LUZP2: variants seen among roughly 807,000 people sequenced by gnomAD.
LUZP2 encodes the protein leucine zipper protein 2.
A neutral mutation model predicts 51.6 loss-of-function variants in LUZP2; 52 were observed. The observed-to-expected ratio is 1.01, with a 90% CI of 0.81 to 1.27. The LOEUF (loss-of-function observed/expected upper bound fraction) is 1.27. Among genes scored for constraint, LUZP2 ranks in the 50% most tolerant of loss-of-function variants. The pLI is 0.00. For missense variants in LUZP2, 436 were observed against 395.4 expected (o/e 1.10, Z -0.87); for synonymous variants, 154 against 137.3 (o/e 1.12, Z -0.85).
intron 1 of LUZP2, among the ~76,000 whole-genome samples, chr11:24,562,533 TAAG>T (rs1852078949): frequency 1.3e-5 from 2 of 150,994 alleles, no homozygotes; most frequent in South Asian, 4.2e-4. Flanking sequence ...TCTATCAGGG[TAAG>T]GACCCATTAA....
intron 4 of LUZP2, among the ~76,000 whole-genome samples, chr11:24,761,417 C>A (rs1859975021): frequency 6.6e-6 from 1 of 152,190 alleles, no homozygotes; most frequent in Admixed American, 6.5e-5. Context: ...CAGGTCCTAG[C>A]TCCAGTGTTA....
rs576098736 is a variant in LUZP2, at chr11:25,080,331, G to A, written c.*1673G>A. The A allele has an allele frequency of 6.6e-6, 1 of 152,218 alleles. No individual in the cohort carries two copies. Among genetic ancestry groups the A allele is most frequent in the Admixed American group, 6.5e-5 (1 of 15,292 alleles). The allele number at this position is 152,218 out of a possible 1,614,324, so 9.4% of individuals were successfully genotyped here. ...ATATGTTCTGAGCACGTTTAAGCAGGTTTAAGTTAGGGTGGGCTATGATTT... is the reference window on the plus strand; with the variant it reads ...ATATGTTCTGAGCACGTTTAAGCAGATTTAAGTTAGGGTGGGCTATGATTT... On this transcript the variant is annotated 3_prime_UTR_variant, in exon 12 of 12. Transcript: ENST00000336930.
chr11:24,786,502 G>A (rs1261829585), intron 5 of LUZP2: 7 of 963,038 alleles, frequency 7.3e-6, no homozygotes, highest in Non-Finnish European at 8.6e-6. Context: ...CTAATGTGAA[G>A]AATAAAATAT....
At chr11:24,918,608 C>CT (rs1184353806) in intron 7 of LUZP2, among the ~76,000 whole-genome samples, 2 of 151,040 alleles carry the variant, frequency 1.3e-5, no homozygotes, top group Non-Finnish European at 2.9e-5. Context: ...CAAAATCATG[C>CT]TTTTTTTAGA....
chr11:24,922,825 C>CTTTTTTTTTTTTTTTTT lies in LUZP2; in HGVS notation c.522+8298_522+8299insTTTTTTTTTTTTTTTTT, dbSNP rs1277388215. The stretch of plus-strand genomic sequence containing the variant: ...GGACTACCAAGTGGCACAGTTATAT[C>CTTTTTTTTTTTTTTTTT]TTTTTTTTTTTCTTTTTTTTTTTTT... On this transcript the variant is annotated intron_variant, in intron 7 of 11. Transcript: ENST00000336930. 1.8e-4 allele frequency among the ~76,000 whole-genome samples: 8 copies of CTTTTTTTTTTTTTTTTT among 44,622 alleles called. 2 individuals are homozygous for CTTTTTTTTTTTTTTTTT. The highest frequency in any genetic ancestry group is 2.6e-4 in the Non-Finnish European group (4 of 15,582). 29.3% of individuals were successfully genotyped at this position (44,622 alleles called of 152,430 possible). A position where few individuals can be genotyped will look rare whatever the true frequency, so the allele number is the denominator to read the frequency against.
intron 5 of LUZP2, among the ~76,000 whole-genome samples, chr11:24,837,173 G>A (rs1410783276): frequency 3.3e-5 from 5 of 151,596 alleles, no homozygotes; most frequent in African/African-American, 1.2e-4. Context: ...TGGTAATTAT[G>A]TGCCATATTC....
intron 7 of LUZP2, among the ~76,000 whole-genome samples, chr11:24,934,553 C>T (rs1360387130): frequency 6.6e-6 from 1 of 151,844 alleles, no homozygotes; most frequent in Non-Finnish European, 1.5e-5. Context: ...TTTTACCTTT[C>T]TTATTTTAAA....
chr11:24,777,072 G>A (rs1395438743), intron 5 of LUZP2, among the ~76,000 whole-genome samples: 2 of 149,590 alleles, frequency 1.3e-5, no homozygotes, highest in Non-Finnish European at 3.0e-5. Flanking sequence ...TCGGCTCACT[G>A]CAAGCTCAGC....
chr11:24,732,209 T>A (rs752385107), intron 3 of LUZP2, 21 bp downstream of exon 3: 2 of 1,568,398 alleles, frequency 1.3e-6, no homozygotes, highest in East Asian at 4.5e-5. Context: ...TCTTTTTTTC[T>A]TAGTTATTTC....
intron 1 of LUZP2, among the ~76,000 whole-genome samples, chr11:24,722,897 A>T (rs1858330799): frequency 6.6e-6 from 1 of 151,936 alleles, no homozygotes; most frequent in Non-Finnish European, 1.5e-5. Context: ...AACCTGGGCA[A>T]CAGAGTGAGA....
chr11:24,566,301 T>G (rs1852213195), intron 1 of LUZP2, among the ~76,000 whole-genome samples: 1 of 147,738 alleles, frequency 6.8e-6, no homozygotes, highest in Non-Finnish European at 1.5e-5. Context: ...ATTTATTATT[T>G]ATTTATTTAT....
intron 7 of LUZP2, among the ~76,000 whole-genome samples, chr11:24,971,592 G>T (rs769476957): frequency 6.6e-6 from 1 of 151,910 alleles, no homozygotes; most frequent in Non-Finnish European, 1.5e-5. Flanking sequence ...TGCAATATCC[G>T]CATGTAACAA....
At chr11:24,883,065 A>C (rs575971029) in intron 5 of LUZP2, among the ~76,000 whole-genome samples, 3 of 152,040 alleles carry the variant, frequency 2.0e-5, no homozygotes, top group Non-Finnish European at 2.9e-5. Context: ...CCAGTGGGAA[A>C]ATATCTCAAG....
intron 1 of LUZP2, among the ~76,000 whole-genome samples, chr11:24,546,111 TGA>T (rs1851532418): frequency 6.6e-6 from 1 of 152,084 alleles, no homozygotes; most frequent in Non-Finnish European, 1.5e-5. Flanking sequence ...AGGAATGTTA[TGA>T]TTTTTGTACA....
At chr11:24,650,173 T>C (rs1855584747) in intron 1 of LUZP2, among the ~76,000 whole-genome samples, 1 of 152,020 alleles carries the variant, frequency 6.6e-6, no homozygotes, top group South Asian at 2.1e-4. Context: ...AGATACATGC[T>C]GTACACAGAT....
intron 5 of LUZP2, among the ~76,000 whole-genome samples, chr11:24,869,224 A>G (rs1468775914): frequency 1.3e-5 from 2 of 152,162 alleles, no homozygotes; most frequent in Non-Finnish European, 2.9e-5. Flanking sequence ...CTGAACAGGA[A>G]CAAATAAATT....
chr11:24,932,215 C>CT (rs1854475707), intron 7 of LUZP2, among the ~76,000 whole-genome samples: 1 of 152,144 alleles, frequency 6.6e-6, no homozygotes, highest in Non-Finnish European at 1.5e-5. Flanking sequence ...GTTTATTACA[C>CT]TGGTTTTGTG....
At chr11:25,018,043 T>TTTTTTTTTGTTTTG (rs140118006) in intron 9 of LUZP2, among the ~76,000 whole-genome samples, 3 of 30,738 alleles carry the variant, frequency 9.8e-5, no homozygotes, top group South Asian at 1.2e-3. Flanking sequence ...TTCTGTTTTT[T>TTTTTTTTTGTTTTG]TTTTGTTTTT....
intron 1 of LUZP2, among the ~76,000 whole-genome samples, chr11:24,682,875 G>A (rs559823393): frequency 8.6e-5 from 13 of 151,930 alleles, no homozygotes; most frequent in South Asian, 4.1e-4. Context: ...GTGATGGCGC[G>A]TGCCTCTAGT....
Sources: gnomAD v4.1 joint callset for allele counts (sites outside exome capture counted in the v4.1 genomes callset) on GRCh38, gnomAD v4.1.1 for gene constraint, MANE v1.5 for transcripts, NCBI Gene and HGNC (gene_info 2026-07-23, HGNC 2026-07-21) for gene names.